Variants in ERG observed in about 807,000 individuals in gnomAD.
ERG encodes ETS transcription factor ERG, also known as transcriptional regulator ERG.
Under a neutral mutation model 55.3 loss-of-function variants are expected in ERG, and 9 were observed. The observed-to-expected ratio is 0.16, with a 90% CI of 0.10 to 0.28. The LOEUF is 0.28. Among genes scored for constraint, ERG ranks in the 10% least tolerant of loss-of-function variants. The probability of loss-of-function intolerance (pLI) is 1.00; values close to 1 mark genes in which losing one functional copy is unlikely to be tolerated. For synonymous variants in ERG, 223 were observed against 237.3 expected (o/e 0.94, Z 0.55); for missense variants, 434 against 631.6 (o/e 0.69, Z 3.35).
intron 1 of ERG, among the ~76,000 whole-genome samples, chr21:38,640,597 C>T (rs773773042): frequency 6.6e-6 from 1 of 152,304 alleles, no homozygotes; most frequent in Non-Finnish European, 1.5e-5. Context: ...TTTCACTTGG[C>T]TCTGATCTGT....
intron 1 of ERG, among the ~76,000 whole-genome samples, chr21:38,648,790 CA>C (rs2060471905): frequency 6.6e-6 from 1 of 152,332 alleles, no homozygotes; most frequent in Non-Finnish European, 1.5e-5. Flanking sequence ...ATTCCAAAAG[CA>C]CTTCAGATCT....
intron 2 of ERG, among the ~76,000 whole-genome samples, chr21:38,570,863 C>T: frequency 6.6e-6 from 1 of 152,146 alleles, no homozygotes; most frequent in South Asian, 2.1e-4. Context: ...CCCTCTCAGT[C>T]CAGTCCTCAT....
chr21:38,649,159 C>T (rs140752052), intron 1 of ERG, among the ~76,000 whole-genome samples: 222 of 152,352 alleles, frequency 1.5e-3, no homozygotes, highest in African/African-American at 5.2e-3. Context: ...ACATTTCAGC[C>T]ATTTCGCACC....
intron 2 of ERG, among the ~76,000 whole-genome samples, chr21:38,545,785 A>G (rs914694293): frequency 8.5e-5 from 13 of 152,148 alleles, no homozygotes; most frequent in Non-Finnish European, 1.5e-4. Flanking sequence ...ACATGACCAC[A>G]TCCAATCCCA....
chr21:38,471,120 A>T (rs977424089), intron 1 of ERG: 2 of 152,240 alleles, frequency 1.3e-5, no homozygotes, highest in African/African-American at 4.8e-5. Context: ...ATGAAGACGA[A>T]AATTGGACTA....
intron 2 of ERG, among the ~76,000 whole-genome samples, chr21:38,521,919 A>T (rs1385255360): frequency 1.3e-5 from 2 of 152,224 alleles, no homozygotes; most frequent in African/African-American, 4.8e-5. Context: ...TATGGCTTGC[A>T]CATTAAAAAC....
At chr21:38,477,872 A>T (rs1400098137) in intron 1 of ERG, among the ~76,000 whole-genome samples, 1 of 152,226 alleles carries the variant, frequency 6.6e-6, no homozygotes, top group African/African-American at 2.4e-5. Flanking sequence ...AGATTTTTTT[A>T]AATAGAAAGA....
chr21:38,402,511 A>G (rs760001185), intron 5 of ERG, 46 bp downstream of exon 5: 1 of 1,456,964 alleles, frequency 6.9e-7, no homozygotes, highest in South Asian at 1.2e-5. Context: ...ACCTGTACGT[A>G]AGACCCTACG....
chr21:38,603,057 C>G (rs533879682), intron 1 of ERG, among the ~76,000 whole-genome samples: 1 of 151,986 alleles, frequency 6.6e-6, no homozygotes, highest in East Asian at 1.9e-4. Context: ...TGTTCAAAAT[C>G]CTGTCCAGCC....
chr21:38,496,938 G>A (rs917582177), intron 1 of ERG, among the ~76,000 whole-genome samples: 2 of 152,128 alleles, frequency 1.3e-5, no homozygotes, highest in African/African-American at 4.8e-5. Flanking sequence ...GAATAAGGAT[G>A]AAAATAAGAA....
At chr21:38,367,268 A>G in the ERG span, among the ~76,000 whole-genome samples, 1 of 152,194 alleles carries the variant, frequency 6.6e-6, no homozygotes, top group Non-Finnish European at 1.5e-5. Flanking sequence ...TCACTGTGTA[A>G]CTATTTATTG....
chr21:38,385,973 C>T (rs965900728), intron 9 of ERG, among the ~76,000 whole-genome samples: 1 of 152,188 alleles, frequency 6.6e-6, no homozygotes, highest in African/African-American at 2.4e-5. Flanking sequence ...GAGAAAGCAA[C>T]TCCACAGACC....
intron 3 of ERG, among the ~76,000 whole-genome samples, chr21:38,408,255 C>A (rs1401199033): frequency 1.3e-5 from 2 of 152,172 alleles, no homozygotes; most frequent in Non-Finnish European, 2.9e-5. Flanking sequence ...AGGGGAAAAA[C>A]CCAGATTCCC....
chr21:38,507,207 G>C (rs1037264454), intron 2 of ERG, among the ~76,000 whole-genome samples: 1 of 152,214 alleles, frequency 6.6e-6, no homozygotes, highest in African/African-American at 2.4e-5. Flanking sequence ...TGCTTCACAG[G>C]AGGGGTCCAC....
rs2059394403 is a variant in ERG, at chr21:38,498,057, T to C, written c.18+306A>G. On this transcript the variant is annotated intron_variant, in intron 1 of 9. Coordinates refer to ENST00000288319, the MANE Select transcript of ERG (RefSeq NM_182918.4). This position sits in a 1 kb window ranked among gnomAD's most constrained non-coding sequence, Gnocchi z 4.6. ...TTCTCAGACACACATCCAGGCACCG[T>C]TAGGGATAGTTAGAGAATCTGAAAA... Among the ~76,000 whole-genome samples, 1 of 152,150 alleles carries C rather than the reference T, an allele frequency of 6.6e-6. No homozygotes were observed. Among genetic ancestry groups the C allele is most frequent in the Non-Finnish European group, 1.5e-5 (1 of 68,038 alleles).
chr21:38,652,352 G>A (rs1428085616), intron 1 of ERG, among the ~76,000 whole-genome samples: 2 of 146,426 alleles, frequency 1.4e-5, no homozygotes, highest in Non-Finnish European at 3.0e-5. Context: ...GGTGTAGATT[G>A]CTTTTGGATT....
intron 1 of ERG, among the ~76,000 whole-genome samples, chr21:38,581,927 C>T (rs985850622): frequency 2.0e-5 from 3 of 151,788 alleles, no homozygotes; most frequent in Non-Finnish European, 2.9e-5. Context: ...CCTGTAGTCC[C>T]AGCTGCTCAG....
intron 6 of ERG, among the ~76,000 whole-genome samples, chr21:38,396,334 G>A (rs1988211967): frequency 6.6e-6 from 1 of 152,208 alleles, no homozygotes. Flanking sequence ...TAAGAACTAA[G>A]CGGAAGCAAA....
intron 1 of ERG, among the ~76,000 whole-genome samples, chr21:38,581,293 A>G (rs1218384941): frequency 6.6e-6 from 1 of 152,062 alleles, no homozygotes; most frequent in African/African-American, 2.4e-5. Context: ...TCTGCCACTT[A>G]CTCCTTGGAA....
Sources: allele counts gnomAD v4.1 joint callset (sites outside exome capture counted in the v4.1 genomes callset), GRCh38; gene constraint gnomAD v4.1.1; non-coding constraint Gnocchi (gnomAD v3.1); transcripts MANE v1.5; gene names NCBI Gene and HGNC (gene_info 2026-07-23, HGNC 2026-07-21).